Variants in ANXA8 observed in about 807,000 individuals in gnomAD.
ANXA8 encodes the protein VAC-beta.
A neutral mutation model predicts 26.8 loss-of-function variants in ANXA8; 9 were observed. That is an observed-to-expected ratio of 0.34 (90% CI 0.20 to 0.59). The LOEUF (loss-of-function observed/expected upper bound fraction) is 0.59. Among genes scored for constraint, ANXA8 ranks in the 20% least tolerant of loss-of-function variants. The probability of loss-of-function intolerance (pLI) is 0.84; values close to 1 mark genes in which losing one functional copy is unlikely to be tolerated. For synonymous variants in ANXA8, 39 were observed against 94.8 expected, an observed-to-expected ratio of 0.41 and a Z score of 3.42; for missense variants, 83 against 238.5, an observed-to-expected ratio of 0.35 and a Z score of 4.29.
At chr10:47,894,654 A>G in the ANXA8 span, among the ~76,000 whole-genome samples, 1 of 150,588 alleles carries the variant, frequency 6.6e-6, no homozygotes, top group African/African-American at 2.4e-5. Context: ...CACACACCAC[A>G]GAATACACCC....
At chr10:47,672,904 C>A in the ANXA8 span, among the ~76,000 whole-genome samples, 20 of 151,550 alleles carry the variant, frequency 1.3e-4, no homozygotes, top group African/African-American at 4.9e-4. Flanking sequence ...AAAAACCCAT[C>A]GAAGAGCTGA....
the ANXA8 span, among the ~76,000 whole-genome samples, chr10:47,586,889 C>CTG: frequency 6.8e-6 from 1 of 146,246 alleles, no homozygotes; most frequent in Admixed American, 6.6e-5. Flanking sequence ...TGAACAGTAG[C>CTG]ACCTTCATCT....
the ANXA8 span, among the ~76,000 whole-genome samples, chr10:47,676,282 A>C: frequency 6.6e-6 from 1 of 151,912 alleles, no homozygotes; most frequent in Non-Finnish European, 1.5e-5. Flanking sequence ...AATGCTCAGG[A>C]ACTTCTAAAA....
At chr10:47,565,847 G>C in the ANXA8 span, 3 of 1,285,308 alleles carry the variant, frequency 2.3e-6, no homozygotes, top group East Asian at 9.4e-5. Context: ...AGCCCGGGAC[G>C]CGCGGACCAG....
the ANXA8 span, among the ~76,000 whole-genome samples, chr10:47,741,902 A>T: frequency 8.6e-6 from 1 of 116,330 alleles, no homozygotes; most frequent in African/African-American, 3.1e-5. Flanking sequence ...GTGCAATGGC[A>T]CGATCTTGGC....
the ANXA8 span, among the ~76,000 whole-genome samples, chr10:47,678,640 A>G: frequency 6.6e-6 from 1 of 151,930 alleles, no homozygotes; most frequent in African/African-American, 2.4e-5. Context: ...ATACTAGAAC[A>G]AAGTTAATAG....
chr10:47,506,394 G>A, the ANXA8 span, among the ~76,000 whole-genome samples: 4 of 138,980 alleles, frequency 2.9e-5, no homozygotes, highest in East Asian at 2.9e-4. Flanking sequence ...GCAATGGCAA[G>A]ATCTCGGCTC....
At chr10:47,507,955 T>C in the ANXA8 span, among the ~76,000 whole-genome samples, 2 of 99,898 alleles carry the variant, frequency 2.0e-5, no homozygotes, top group African/African-American at 7.5e-5. Context: ...ACTGCAGTGG[T>C]GCCATCTTGA....
chr10:47,498,431 CGA>C, the ANXA8 span, among the ~76,000 whole-genome samples: 1 of 142,062 alleles, frequency 7.0e-6, no homozygotes, highest in Non-Finnish European at 1.5e-5. Flanking sequence ...CATCTTTTGA[CGA>C]GTGTGAATAC....
the ANXA8 span, among the ~76,000 whole-genome samples, chr10:47,945,399 C>T: frequency 2.7e-5 from 4 of 150,834 alleles, no homozygotes; most frequent in Non-Finnish European, 5.9e-5. Context: ...AGGGCCTTAC[C>T]CTGAGGCGGC....
At chr10:47,761,089 C>T in the ANXA8 span, among the ~76,000 whole-genome samples, 1 of 105,350 alleles carries the variant, frequency 9.5e-6, no homozygotes, top group African/African-American at 3.2e-5. Context: ...CCAGGCAACA[C>T]ACACACACAC....
the ANXA8 span, among the ~76,000 whole-genome samples, chr10:47,699,150 C>G: frequency 6.6e-6 from 1 of 151,030 alleles, no homozygotes; most frequent in Non-Finnish European, 1.5e-5. Context: ...AGTTTGGGAC[C>G]AGCCTGGCCA....
At chr10:47,705,920 C>T in the ANXA8 span, among the ~76,000 whole-genome samples, 2,657 of 149,820 alleles carry the variant, frequency 0.018, 28 homozygotes, top group African/African-American at 0.061. Context: ...GACGCACCCC[C>T]CGCGTATTTC....
the ANXA8 span, among the ~76,000 whole-genome samples, chr10:47,521,392 T>C: frequency 1.4e-4 from 19 of 140,366 alleles, 3 homozygotes; most frequent in African/African-American, 1.9e-4. Flanking sequence ...TCTAAAGCAA[T>C]CCTTAAATAT....
chr10:47,665,714 C>T, the ANXA8 span, among the ~76,000 whole-genome samples: 8 of 150,794 alleles, frequency 5.3e-5, no homozygotes, highest in African/African-American at 2.0e-4. Flanking sequence ...GACACAGTTA[C>T]ATTTATTCCT....
the ANXA8 span, chr10:47,710,103 A>G: frequency 8.9e-6 from 4 of 448,164 alleles, no homozygotes; most frequent in Admixed American, 1.2e-4. Context: ...AGAAAACAAA[A>G]CTATATTTTA....
chr10:47,560,686 G>A, the ANXA8 span, among the ~76,000 whole-genome samples: 763 of 152,098 alleles, frequency 5.0e-3, 26 homozygotes, highest in African/African-American at 0.017. Context: ...CCATGCAAGC[G>A]GATGGTGCAG....
chr10:47,527,528 A>G, the ANXA8 span, among the ~76,000 whole-genome samples: 127 of 147,246 alleles, frequency 8.6e-4, no homozygotes, highest in East Asian at 5.6e-3. Flanking sequence ...CATATCTATA[A>G]CAGTAGCACC....
the ANXA8 span, among the ~76,000 whole-genome samples, chr10:47,676,736 G>A: frequency 6.6e-6 from 1 of 151,024 alleles, no homozygotes; most frequent in African/African-American, 2.5e-5. Context: ...TGGCCAACAT[G>A]GTGAAACTGC....
Sources: gnomAD v4.1 joint callset for allele counts (sites outside exome capture counted in the v4.1 genomes callset) on GRCh38, gnomAD v4.1.1 for gene constraint, MANE v1.5 for transcripts, NCBI Gene and HGNC (gene_info 2026-07-23, HGNC 2026-07-21) for gene names.